SCN11A: variants seen among roughly 807,000 people sequenced by gnomAD.
SCN11A encodes the protein sodium voltage-gated channel alpha subunit 11.
Under a neutral mutation model 162.2 loss-of-function variants are expected in SCN11A, and 122 were observed. That is an observed-to-expected ratio of 0.75 (90% CI 0.65 to 0.87). The LOEUF (loss-of-function observed/expected upper bound fraction) is 0.87, where lower values mean the gene tolerates loss of function less well. Ranked by LOEUF, SCN11A falls within the 40% of genes least tolerant of loss-of-function variation. SCN11A has a pLI of 0.00. For missense variants in SCN11A, 2,015 were observed against 2,181.6 expected (o/e 0.92, Z 1.52); for synonymous variants, 758 against 751.5 (o/e 1.01, Z -0.14).
Position 38,899,947 on chromosome 3 carries a change from T to C in SCN11A, c.1969A>G (p.Met657Val). 2.5e-6 allele frequency: 4 copies of C among 1,614,132 alleles called. No homozygotes were observed. The Admixed American group carries it at 6.7e-5, about 27-fold the overall frequency. Residue 657 changes from methionine to valine, a missense_variant, in exon 17 of 30, where the codon ATG becomes GTG. Physicochemically the swap from Met to Val is conservative, Grantham distance 21. Coordinates refer to ENST00000302328, the MANE Select transcript of SCN11A (RefSeq NM_001349253.2). ...CTTCTCTTTTGAAGTACACAGTTCA[T>C]TACATCTGCAAAACTCAGAAGAGCA... ...IVALLSFADVMNCVLQKRSWP... is the reference protein window; with the variant it reads ...IVALLSFADVVNCVLQKRSWP...
chr3:38,879,032 T>G (rs1419531350), intron 23 of SCN11A, among the ~76,000 whole-genome samples: 1 of 152,084 alleles, frequency 6.6e-6, no homozygotes, highest in African/African-American at 2.4e-5. Context: ...ATCCTGAAAA[T>G]ATGTCCATCT....
At chr3:38,908,211 T>A in intron 13 of SCN11A, 89 bp from the exon 14 acceptor site, 1 of 1,127,948 alleles carries the variant, frequency 8.9e-7, no homozygotes, top group Non-Finnish European at 1.3e-6. Flanking sequence ...GGTGAAAATC[T>A]CTCTTCTGGT....
chr3:39,016,134 T>C (rs1044527150), intron 2 of SCN11A, among the ~76,000 whole-genome samples: 4 of 152,164 alleles, frequency 2.6e-5, no homozygotes, highest in Non-Finnish European at 5.9e-5. Flanking sequence ...TAAAGTGAAG[T>C]CTAGCTTCAC....
At chr3:38,991,801 T>A (rs1330484575) in intron 2 of SCN11A, among the ~76,000 whole-genome samples, 1 of 152,134 alleles carries the variant, frequency 6.6e-6, no homozygotes, top group Non-Finnish European at 1.5e-5. Context: ...ATTTTTTATT[T>A]ATTTATTTTA....
intron 4 of SCN11A, 105 bp from the exon 5 acceptor site, chr3:38,950,474 T>C: frequency 1.6e-6 from 2 of 1,216,864 alleles, no homozygotes; most frequent in South Asian, 2.8e-5. Flanking sequence ...CATAAGGATC[T>C]ACAAAAGCTG....
At chr3:38,861,524 G>A (rs1005275481) in intron 28 of SCN11A, among the ~76,000 whole-genome samples, 3 of 152,114 alleles carry the variant, frequency 2.0e-5, no homozygotes, top group Non-Finnish European at 4.4e-5. Flanking sequence ...GAAACAGCAT[G>A]GTACTGGTAT....
In SCN11A at chr3:39,031,534, C is replaced by CAA. The variant is rs71622553; in HGVS notation, c.-280+844_-280+845dup. On this transcript the variant is annotated intron_variant, in intron 2 of 29. Transcript: ENST00000302328. ...GAGTGAGATTCTGTCAAACAAAAAACAAACAAACAAAAAAAAAACAAACAA... is the reference window on the plus strand; with the variant it reads ...GAGTGAGATTCTGTCAAACAAAAAACAAAAACAAACAAAAAAAAAACAAACAA... 4.9e-4 allele frequency among the ~76,000 whole-genome samples: 60 copies of CAA among 121,966 alleles called. 1 individual carries two copies. Among genetic ancestry groups the CAA allele is most frequent in the African/African-American group, 1.8e-3 (50 of 27,474 alleles). The allele number at this position is 121,966 out of a possible 152,430, so 80.0% of individuals were successfully genotyped here. A position where few individuals can be genotyped will look rare whatever the true frequency, so the allele number is the denominator to read the frequency against.
chr3:38,846,698 T>C lies in SCN11A; in HGVS notation c.5372A>G (p.Asp1791Gly). 2 of 1,613,532 alleles carry C rather than the reference T, an allele frequency of 1.2e-6. No individual in the cohort carries two copies. The highest frequency in any genetic ancestry group is 4.5e-5 in the East Asian group (2 of 44,856). ...GGTAGGCGTGGAGGTGAGGGCTCAG[T>C]CACAGTGGACCTTGCCCTTGGCCAC... ...FGVAKGKVHCD is the reference protein window; with the variant it reads ...FGVAKGKVHCG Residue 1791 changes from aspartate (D) to glycine (G), a missense_variant, in exon 30 of 30, where the codon GAC becomes GGC. By Grantham distance (94) the Asp-to-Gly change is moderately conservative. Transcript: ENST00000302328.
chr3:38,938,535 TA>T (rs2066381884), intron 7 of SCN11A, among the ~76,000 whole-genome samples: 1 of 22,890 alleles, frequency 4.4e-5, no homozygotes, highest in Non-Finnish European at 8.7e-5. Flanking sequence ...TATATATATA[TA>T]TATATATATA....
intron 7 of SCN11A, among the ~76,000 whole-genome samples, chr3:38,940,217 T>A (rs2066421017): frequency 6.6e-6 from 1 of 152,006 alleles, no homozygotes; most frequent in Admixed American, 6.6e-5. Context: ...TTTAAAGCAA[T>A]TAGAGGAACA....
chr3:38,931,876 A>G (rs993714618), intron 7 of SCN11A, among the ~76,000 whole-genome samples: 1 of 152,214 alleles, frequency 6.6e-6, no homozygotes, highest in African/African-American at 2.4e-5. Context: ...TAGATAAGCC[A>G]TTCCATTCAC....
rs759961324 is a variant in SCN11A at position 38,870,284 on chromosome 3, C to T, written c.3813+407G>A. 1.2e-3 allele frequency among the ~76,000 whole-genome samples: 180 copies of T among 152,132 alleles called. 1 individual carries two copies. Among genetic ancestry groups the T allele is most frequent in the Non-Finnish European group, 1.7e-3 (115 of 68,032 alleles). ...GAGTCTGGAGCCATGCGAGGGTCTC[C>T]CTTGCAAATTTAGTGCAGTCTTAAG... On this transcript the variant is annotated intron_variant, in intron 26 of 29. Coordinates refer to ENST00000302328, the MANE Select transcript of SCN11A (RefSeq NM_001349253.2).
intron 18 of SCN11A, 105 bp from the exon 19 acceptor site, chr3:38,895,069 T>C: frequency 2.0e-6 from 2 of 994,214 alleles, no homozygotes; most frequent in South Asian, 3.5e-5. Flanking sequence ...AGAATCAAAT[T>C]AGAGTTTTAT....
chr3:38,870,765 C>T (rs538118852), intron 25 of SCN11A, 21 bp from the exon 26 acceptor site: 3 of 1,608,250 alleles, frequency 1.9e-6, no homozygotes, highest in East Asian at 2.2e-5. Flanking sequence ...AGCAGAAAAA[C>T]ATGAATAATA....
intron 2 of SCN11A, among the ~76,000 whole-genome samples, chr3:39,019,172 T>C (rs1245882225): frequency 1.3e-5 from 2 of 152,212 alleles, no homozygotes; most frequent in African/African-American, 2.4e-5. Flanking sequence ...CAATTATTCC[T>C]GCAGATAACA....
intron 2 of SCN11A, among the ~76,000 whole-genome samples, chr3:39,006,236 T>G (rs1406230763): frequency 6.6e-6 from 1 of 152,238 alleles, no homozygotes; most frequent in African/African-American, 2.4e-5. Context: ...CTTTGCTTAG[T>G]TTTGCATTGT....
chr3:39,034,593 T>C (rs1204807648), intron 1 of SCN11A, among the ~76,000 whole-genome samples: 1 of 152,168 alleles, frequency 6.6e-6, no homozygotes, highest in Non-Finnish European at 1.5e-5. Context: ...ATTTTAATAG[T>C]AGTCAGTGTC....
chr3:39,048,230 C>T (rs765120650), intron 1 of SCN11A, among the ~76,000 whole-genome samples: 6 of 152,172 alleles, frequency 3.9e-5, no homozygotes, highest in Non-Finnish European at 8.8e-5. Flanking sequence ...ATGGATAGCA[C>T]CGGAGGTCAT....
At chr3:38,921,384 C>G in intron 9 of SCN11A, 129 bp from the exon 10 acceptor site, 1 of 802,208 alleles carries the variant, frequency 1.2e-6, no homozygotes, top group East Asian at 2.6e-5. Flanking sequence ...CCAGCCTAGC[C>G]TATGATTCTG....
Sources: allele counts gnomAD v4.1 joint callset (sites outside exome capture counted in the v4.1 genomes callset), GRCh38; gene constraint gnomAD v4.1.1; transcripts MANE v1.5; gene names NCBI Gene and HGNC (gene_info 2026-07-23, HGNC 2026-07-21).